The following NFKB1 variants were observed in gnomAD, a reference collection of about 807,000 sequenced individuals.
NFKB1 encodes the protein nuclear factor NF-kappa-B p105 subunit.
NFKB1 carries 9 observed loss-of-function variants against 105.1 expected under a neutral mutation model. That is an observed-to-expected ratio of 0.09 (90% CI 0.05 to 0.15). The LOEUF is 0.15. Ranked by LOEUF, NFKB1 falls within the 10% of genes least tolerant of loss-of-function variation. The pLI is 1.00. For missense variants in NFKB1, 830 were observed against 1,203.7 expected (o/e 0.69, Z 4.59); for synonymous variants, 440 against 442.2 (o/e 1.00, Z 0.06).
At chr4:102,529,728 T>C in intron 2 of NFKB1, 108 bp from the exon 3 acceptor site, 2 of 782,894 alleles carry the variant, frequency 2.6e-6, no homozygotes, top group South Asian at 3.3e-5. Flanking sequence ...TTTTTGTTTT[T>C]GGCTTTAGTT....
At chr4:102,571,174 A>G (rs1476835049) in intron 6 of NFKB1, among the ~76,000 whole-genome samples, 23 of 152,262 alleles carry the variant, frequency 1.5e-4, no homozygotes, top group Non-Finnish European at 3.1e-4. Flanking sequence ...CTCAGAAATA[A>G]TACCGTACAT....
chr4:102,506,500 G>A (rs1739425073), intron 1 of NFKB1, among the ~76,000 whole-genome samples: 1 of 152,150 alleles, frequency 6.6e-6, no homozygotes, highest in Non-Finnish European at 1.5e-5. Context: ...ATACTTTAAT[G>A]ATTTTTCCAA....
chr4:102,563,676 A>G (rs1211824373), intron 5 of NFKB1, among the ~76,000 whole-genome samples: 1 of 152,162 alleles, frequency 6.6e-6, no homozygotes, highest in Non-Finnish European at 1.5e-5. Flanking sequence ...AGCAGTGCCC[A>G]AAGTCACACA....
In NFKB1 at chr4:102,608,426, A is replaced by G. The variant is rs1017626131; in HGVS notation, c.2227+675A>G. Among the ~76,000 whole-genome samples, 5 of 152,334 alleles carry G rather than the reference A, an allele frequency of 3.3e-5. No homozygotes were observed. The East Asian group carries it at 9.6e-4, about 29-fold the overall frequency. ...AGTAAGTGACAGAGCTATGAATCACACTTCGGCAGTGTGAACTTCAAGACT... is the reference window on the plus strand; with the variant it reads ...AGTAAGTGACAGAGCTATGAATCACGCTTCGGCAGTGTGAACTTCAAGACT... On this transcript the variant is annotated intron_variant, in intron 19 of 23. Coordinates refer to ENST00000226574, the MANE Select transcript of NFKB1 (RefSeq NM_003998.4).
Position 102,514,290 on chromosome 4 carries a change from C to T in NFKB1, c.-7-11222C>T, listed in dbSNP as rs546278333. Among the ~76,000 whole-genome samples the T allele has an allele frequency of 2.6e-5, 4 of 152,256 alleles. No homozygotes were observed. The East Asian group carries it at 7.7e-4, about 29-fold the overall frequency. ...AGTTTTGTTCCTAAGCCTTCTATAT[C>T]TTTCCTACCATGGTTTGAATGTGTC... On this transcript the variant is annotated intron_variant, in intron 1 of 23. Coordinates refer to ENST00000226574, the MANE Select transcript of NFKB1 (RefSeq NM_003998.4).
chr4:102,613,159 A>G (rs954780104), intron 22 of NFKB1, among the ~76,000 whole-genome samples: 1 of 152,088 alleles, frequency 6.6e-6, no homozygotes, highest in Non-Finnish European at 1.5e-5. Flanking sequence ...GCAGAGTTTC[A>G]CTGCCTCAGC....
chr4:102,505,765 TATCTA>T (rs1332535518), intron 1 of NFKB1, among the ~76,000 whole-genome samples: 1 of 152,196 alleles, frequency 6.6e-6, no homozygotes, highest in Non-Finnish European at 1.5e-5. Context: ...AAATAAATAA[TATCTA>T]ATCAATACTG....
chr4:102,544,047 A>G (rs916786978), intron 5 of NFKB1, among the ~76,000 whole-genome samples: 3 of 149,610 alleles, frequency 2.0e-5, no homozygotes, highest in Non-Finnish European at 3.0e-5. Context: ...CCTGGGGTCT[A>G]TGGATCCCTG....
Position 102,610,579 on chromosome 4 carries a change from A to G in NFKB1, c.2232A>G (p.Ala744=), listed in dbSNP as rs138657975. 1.4e-4 allele frequency: 227 copies of G among 1,613,818 alleles called. No homozygotes were observed. Among genetic ancestry groups the G allele is most frequent in the Middle Eastern group, 6.6e-4 (4 of 6,084 alleles). ...RLAALLKAAG[A]DPLVENFEPL... ...CTGTGTAATCTAACTTCGCAGGAGCAGATCCCCTGGTGGAGAACTTTGAGC... is the reference window on the plus strand; with the variant it reads ...CTGTGTAATCTAACTTCGCAGGAGCGGATCCCCTGGTGGAGAACTTTGAGC... Residue 744 remains alanine, a synonymous_variant, in exon 20 of 24, where the codon GCA becomes GCG. Coordinates refer to ENST00000226574, the MANE Select transcript of NFKB1 (RefSeq NM_003998.4).
chr4:102,540,749 G>A (rs1260379645), intron 5 of NFKB1, among the ~76,000 whole-genome samples: 1 of 152,106 alleles, frequency 6.6e-6, no homozygotes, highest in Non-Finnish European at 1.5e-5. Flanking sequence ...TTGGAAGGAT[G>A]GGTAGGAGAG....
intron 4 of NFKB1, among the ~76,000 whole-genome samples, chr4:102,535,973 G>T (rs562638577): frequency 2.6e-5 from 4 of 151,320 alleles, no homozygotes; most frequent in African/African-American, 4.9e-5. Flanking sequence ...CAGCTCTGAC[G>T]GAGATGAGTC....
chr4:102,580,707 C>G (rs1725253885), intron 9 of NFKB1, 68 bp downstream of exon 9: 2 of 1,256,752 alleles, frequency 1.6e-6, no homozygotes, highest in Non-Finnish European at 1.2e-6. Context: ...CTGAGTGTGT[C>G]TGTGAGTCAC....
intron 21 of NFKB1, 75 bp downstream of exon 21, chr4:102,612,185 T>A (rs1037321636): frequency 1.5e-6 from 2 of 1,347,760 alleles, no homozygotes; most frequent in Non-Finnish European, 2.1e-6. Context: ...GAACCAGCAT[T>A]ATCCAGGGTC....
intron 21 of NFKB1, 141 bp from the exon 22 acceptor site, chr4:102,612,293 T>TCA: frequency 1.0e-6 from 1 of 954,430 alleles, no homozygotes; most frequent in South Asian, 1.6e-5. Flanking sequence ...TGCCTTCTAC[T>TCA]CAGCTGGGCT....
At position 102,542,037 on chromosome 4, in the gene NFKB1, A is replaced by C. The variant is rs536255811; in HGVS notation, c.258+4081A>C. 1.4e-4 allele frequency among the ~76,000 whole-genome samples: 22 copies of C among 152,276 alleles called. 1 individual carries two copies. The South Asian group carries it at 4.3e-3, about 30-fold the overall frequency. ...CTGTGGTTTGCAGGCTGTAGACACC[A>C]AACTATACTTTATAGAACATGTGAA... On this transcript the variant is annotated intron_variant, in intron 5 of 23. Coordinates refer to ENST00000226574, the MANE Select transcript of NFKB1 (RefSeq NM_003998.4).
At chr4:102,584,322 C>T (rs1725546569) in intron 10 of NFKB1, among the ~76,000 whole-genome samples, 1 of 152,110 alleles carries the variant, frequency 6.6e-6, no homozygotes, top group Non-Finnish European at 1.5e-5. Flanking sequence ...TCTGATGTTG[C>T]TCTAAATAAT....
intron 4 of NFKB1, among the ~76,000 whole-genome samples, 177 bp downstream of exon 4, chr4:102,534,062 T>G (rs1382185443): frequency 6.6e-6 from 1 of 152,222 alleles, no homozygotes; most frequent in Non-Finnish European, 1.5e-5. Flanking sequence ...TTACTCATTG[T>G]TCACACTGTC....
At chr4:102,577,909 A>G (rs1724995766) in intron 7 of NFKB1, 1 of 985,298 alleles carries the variant, frequency 1.0e-6, no homozygotes, top group African/African-American at 1.7e-5. Flanking sequence ...AGCCAGATAG[A>G]TATTACTGAA....
intron 3 of NFKB1, among the ~76,000 whole-genome samples, chr4:102,533,059 T>G (rs534642279): frequency 6.6e-6 from 1 of 152,232 alleles, no homozygotes; most frequent in Non-Finnish European, 1.5e-5. Flanking sequence ...TGCATGTACC[T>G]ATCTTCAATT....
Sources: gnomAD v4.1 joint callset for allele counts (sites outside exome capture counted in the v4.1 genomes callset) on GRCh38, gnomAD v4.1.1 for gene constraint, MANE v1.5 for transcripts, NCBI Gene and HGNC (gene_info 2026-07-23, HGNC 2026-07-21) for gene names.